Variants in TCF4 observed in about 807,000 individuals in gnomAD.
TCF4 encodes transcription factor 4.
A neutral mutation model predicts 82.1 loss-of-function variants in TCF4; 3 were observed. The ratio of observed to expected loss-of-function variants is 0.04; its 90% confidence interval spans 0.02 to 0.09. The LOEUF (loss-of-function observed/expected upper bound fraction) is 0.09. Ranked by LOEUF, TCF4 falls within the 10% of genes least tolerant of loss-of-function variation. The probability of loss-of-function intolerance (pLI) is 1.00; values close to 1 mark genes in which losing one functional copy is unlikely to be tolerated. For synonymous variants in TCF4, 276 were observed against 309.6 expected, an observed-to-expected ratio of 0.89 and a Z score of 1.14; for missense variants, 518 against 852.7, an observed-to-expected ratio of 0.61 and a Z score of 4.89.
At chr18:55,302,294 G>A (rs1289217388) in intron 8 of TCF4, 3 of 856,426 alleles carry the variant, frequency 3.5e-6, no homozygotes, top group Admixed American at 2.3e-5. Context: ...TGAATGCCAG[G>A]GAAGACAGAA....
In TCF4 at chr18:55,234,624, G is replaced by A; in HGVS notation, c.1410C>T (p.Asn470=). Residue 470 remains asparagine (N), a synonymous_variant, in exon 16 of 20, where the codon AAC becomes AAT. Transcript: ENST00000354452. Reference sequence around the variant, plus strand: ...CAGGAAGCTGTGGAACCGGAACCTGGTTTGGCAGAAGAGAATGGCTGCCTC... The same window carrying A: ...CAGGAAGCTGTGGAACCGGAACCTGATTTGGCAGAAGAGAATGGCTGCCTC... The part of the protein sequence containing the change: ...ALRGSHSLLP[N]QVPVPQLPVQ... The A allele has an allele frequency of 6.2e-7, 1 of 1,614,138 alleles. No individual in the cohort carries two copies. The highest frequency in any genetic ancestry group is 1.3e-5 in the African/African-American group (1 of 75,032).
At chr18:55,378,513 G>C (rs1353925318) in intron 6 of TCF4, among the ~76,000 whole-genome samples, 3 of 152,084 alleles carry the variant, frequency 2.0e-5, no homozygotes. Flanking sequence ...TGATATTAAT[G>C]TCAATTAATA....
intron 8 of TCF4, among the ~76,000 whole-genome samples, chr18:55,317,013 T>G (rs1020888891): frequency 3.3e-5 from 5 of 152,042 alleles, no homozygotes. Context: ...TGCAGGGATT[T>G]TGAAAATTTA....
Position 55,258,871 on chromosome 18 carries a change from G to A in TCF4, c.1069+1078C>T, listed in dbSNP as rs1035878792. Among the ~76,000 whole-genome samples, 9 of 152,044 alleles carry A rather than the reference G, an allele frequency of 5.9e-5. No individual in the cohort carries two copies. The South Asian group carries it at 1.9e-3, about 32-fold the overall frequency. On this transcript the variant is annotated intron_variant, in intron 13 of 19. Transcript: ENST00000354452. ...ACTCTAGTTTCTATTTCCACCAGGG[G>A]GAACGTTTGATTATCCTCTTAAAAT...
chr18:55,278,617 G>C (rs1240004090), intron 9 of TCF4, among the ~76,000 whole-genome samples: 1 of 152,096 alleles, frequency 6.6e-6, no homozygotes, highest in Admixed American at 6.6e-5. Flanking sequence ...TGCCCAGGCT[G>C]GAGTGCAGTG....
intron 2 of TCF4, among the ~76,000 whole-genome samples, chr18:55,630,721 T>C (rs777669480): frequency 1.3e-5 from 2 of 152,200 alleles, no homozygotes; most frequent in Non-Finnish European, 2.9e-5. Flanking sequence ...AAATAATCCA[T>C]AACACAGTGT....
chr18:55,423,367 A>T (rs1350357267), intron 5 of TCF4, among the ~76,000 whole-genome samples: 1 of 151,336 alleles, frequency 6.6e-6, no homozygotes, highest in East Asian at 2.0e-4. Flanking sequence ...TTCAGATATT[A>T]ACAGGCAGCA....
chr18:55,349,358 A>G (rs2081865870), intron 8 of TCF4, among the ~76,000 whole-genome samples: 1 of 152,168 alleles, frequency 6.6e-6, no homozygotes, highest in African/African-American at 2.4e-5. Flanking sequence ...GCACATTTGC[A>G]AGACCTATTA....
intron 5 of TCF4, among the ~76,000 whole-genome samples, chr18:55,439,385 T>C (rs1454727832): frequency 6.6e-6 from 1 of 152,144 alleles, no homozygotes; most frequent in Non-Finnish European, 1.5e-5. Flanking sequence ...GCCCATCAAG[T>C]AGCTGGTTAA....
chr18:55,256,174 C>T (rs2056777833), intron 14 of TCF4, among the ~76,000 whole-genome samples: 1 of 152,152 alleles, frequency 6.6e-6, no homozygotes, highest in South Asian at 2.1e-4. Flanking sequence ...TGGCTCACAG[C>T]TTCCTGGTAG....
intron 6 of TCF4, among the ~76,000 whole-genome samples, chr18:55,399,874 T>TCACACACACACACA (rs1393604207): frequency 7.7e-6 from 1 of 130,036 alleles, no homozygotes; most frequent in Non-Finnish European, 1.6e-5. Flanking sequence ...TCTCTCTCTC[T>TCACACACACACACA]CTCTCTCACA....
At chr18:55,630,246 T>G (rs778961544) in intron 2 of TCF4, among the ~76,000 whole-genome samples, 15 of 152,224 alleles carry the variant, frequency 9.9e-5, no homozygotes, top group Admixed American at 2.0e-4. Context: ...GAGAAGAGCG[T>G]GCTTTCAAAG....
intron 8 of TCF4, among the ~76,000 whole-genome samples, chr18:55,347,503 C>T (rs2081444823): frequency 6.6e-6 from 1 of 152,176 alleles, no homozygotes. Context: ...AGGTGCAGCA[C>T]ACAGTACAAA....
intron 3 of TCF4, among the ~76,000 whole-genome samples, chr18:55,491,546 CT>C (rs2096577073): frequency 6.6e-6 from 1 of 152,164 alleles, no homozygotes; most frequent in African/African-American, 2.4e-5. Flanking sequence ...TCCAGTTGCC[CT>C]TTATGTCCCC....
chr18:55,387,269 T>C (rs2092687495), intron 6 of TCF4, among the ~76,000 whole-genome samples: 1 of 152,238 alleles, frequency 6.6e-6, no homozygotes, highest in South Asian at 2.1e-4. Context: ...AATACAGCAT[T>C]GCCTGCCCTA....
At chr18:55,231,156 T>C (rs1250071149) in intron 17 of TCF4, 2 of 152,274 alleles carry the variant, frequency 1.3e-5, no homozygotes, top group African/African-American at 4.8e-5. Context: ...TTCACTCCTA[T>C]ATTCTACTAT....
rs148557723 is a variant in TCF4, at chr18:55,258,262, G to A, written c.1070-871C>T. 7.0e-4 allele frequency among the ~76,000 whole-genome samples: 107 copies of A among 152,078 alleles called. 1 individual carries two copies. The highest frequency in any genetic ancestry group is 6.8e-3 in the Middle Eastern group (2 of 294). ...TTGACAGAATTTGGACAGAGCCGTCGGTGTGAAAATAGCAATCTGTCCCCA... is the reference window on the plus strand; with the variant it reads ...TTGACAGAATTTGGACAGAGCCGTCAGTGTGAAAATAGCAATCTGTCCCCA... On this transcript the variant is annotated intron_variant, in intron 13 of 19. Coordinates refer to ENST00000354452, the MANE Select transcript of TCF4 (RefSeq NM_001083962.2).
intron 3 of TCF4, among the ~76,000 whole-genome samples, chr18:55,580,539 G>A (rs1229625822): frequency 6.6e-6 from 1 of 151,898 alleles, no homozygotes; most frequent in African/African-American, 2.4e-5. Flanking sequence ...GACATATTTA[G>A]TCACATTGAT....
chr18:55,407,409 C>T (rs1229526560), intron 5 of TCF4, among the ~76,000 whole-genome samples: 7 of 152,124 alleles, frequency 4.6e-5, no homozygotes, highest in African/African-American at 1.4e-4. Flanking sequence ...TCAATCAATC[C>T]TTCTGGAGAC....
Sources: gnomAD v4.1 joint callset for allele counts (sites outside exome capture counted in the v4.1 genomes callset) on GRCh38, gnomAD v4.1.1 for gene constraint, MANE v1.5 for transcripts, NCBI Gene and HGNC (gene_info 2026-07-23, HGNC 2026-07-21) for gene names.